The following POLR3C variants were observed in gnomAD, a reference collection of about 807,000 sequenced individuals.
POLR3C encodes the protein RNA polymerase III subunit C.
A neutral mutation model predicts 65.9 loss-of-function variants in POLR3C; 44 were observed. The observed-to-expected ratio is 0.67, with a 90% CI of 0.52 to 0.86. The LOEUF is 0.86. Ranked by LOEUF, POLR3C falls within the 40% of genes least tolerant of loss-of-function variation. The pLI, the probability that POLR3C is intolerant of heterozygous loss-of-function variation, is 0.00. For synonymous variants in POLR3C, 263 were observed against 231.6 expected (o/e 1.14, Z -1.23); for missense variants, 576 against 653.2 (o/e 0.88, Z 1.29).
At chr1:145,831,462 C>T (rs996282960) in intron 5 of POLR3C, among the ~76,000 whole-genome samples, 5 of 147,034 alleles carry the variant, frequency 3.4e-5, no homozygotes, top group Admixed American at 7.0e-5. Flanking sequence ...TTGCAGTGAG[C>T]GGAGATTGTG....
intron 5 of POLR3C, among the ~76,000 whole-genome samples, chr1:145,829,957 A>G (rs1223719777): frequency 3.3e-5 from 5 of 152,208 alleles, no homozygotes; most frequent in Non-Finnish European, 7.3e-5. Context: ...TTATTTGTGT[A>G]CATGTTTGTC....
chr1:145,826,893 C>T lies in POLR3C; in HGVS notation c.477C>T (p.Arg159=). The change falls in exon 4 of 15, where the codon CGC becomes CGT. Residue 159 remains arginine (R), a synonymous_variant. Transcript: ENST00000334163. ...VRLADTHFVQ[R]CPSVPTTENS... ...TGGCAGACACACACTTTGTACAACG[C>T]TGCCCTTCGGTACCTACCACTGAGA... is the stretch of plus-strand genomic sequence containing the variant. 1 of 1,613,532 alleles carries T rather than the reference C, an allele frequency of 6.2e-7. No individual in the cohort carries two copies.
chr1:145,828,596 C>T (rs1025657736), intron 4 of POLR3C, among the ~76,000 whole-genome samples, 153 bp from the exon 5 acceptor site: 2 of 152,150 alleles, frequency 1.3e-5, no homozygotes, highest in Non-Finnish European at 2.9e-5. Context: ...TCATCAGTTA[C>T]TTGAGTTTCT....
intron 7 of POLR3C, among the ~76,000 whole-genome samples, chr1:145,834,069 C>A (rs1651579294): frequency 1.3e-5 from 2 of 152,068 alleles, no homozygotes; most frequent in South Asian, 4.1e-4. Flanking sequence ...ATGGTGTAGC[C>A]CTACAGCACA....
At chr1:145,834,658 A>G (rs1553728086) in intron 7 of POLR3C, among the ~76,000 whole-genome samples, 2 of 152,018 alleles carry the variant, frequency 1.3e-5, no homozygotes. Context: ...CTCACCACAC[A>G]TGTGAGTAAT....
In POLR3C at chr1:145,826,571, C is replaced by G. The variant is rs1461762279; in HGVS notation, c.265C>G (p.Pro89Ala). The change falls in exon 3 of 15, where the codon CCC becomes GCC. Residue 89 changes from proline to alanine, a missense_variant. Pro to Ala is a conservative substitution (Grantham distance 27, BLOSUM62 -1). Transcript: ENST00000334163. ...CSRVLRMLRY[P>A]RYIYTTKTLY... ...CCGGGTATTGCGAATGCTTAGATAT[C>G]CCCGGTACATCTATACTACCAAAAC... The G allele has an allele frequency of 1.2e-6, 2 of 1,613,974 alleles. No homozygotes were observed. Among genetic ancestry groups the G allele is most frequent in the East Asian group, 4.5e-5 (2 of 44,888 alleles).
rs1340595260 is a variant in POLR3C at position 145,836,649 on chromosome 1, G to A, written c.957+75G>A. 5 of 999,374 alleles carry A rather than the reference G, an allele frequency of 5.0e-6. No individual in the cohort carries two copies. In the African/African-American group the frequency reaches 7.9e-5, roughly 16 times the overall value. 61.9% of individuals were successfully genotyped at this position (999,374 alleles called of 1,614,324 possible). On this transcript the variant is annotated intron_variant, in intron 8 of 14. Transcript: ENST00000334163. ...TAATTTATTTCTGCACTGATACCTA[G>A]TGTCATCCTCCTGCAGAGTTATTCT...
rs782800952 is a variant in POLR3C, at chr1:145,826,910, C to A, written c.494C>A (p.Thr165Asn). Reference protein sequence around the residue: ...HFVQRCPSVPTTENSDPGPPP... With the variant: ...HFVQRCPSVPNTENSDPGPPP... ...GTACAACGCTGCCCTTCGGTACCTA[C>A]CACTGAGAATTCAGACCCTGGGCCA... Residue 165 changes from threonine (T) to asparagine (N), a missense_variant, in exon 4 of 15, where the codon ACC (threonine) becomes AAC (asparagine). Physicochemically the swap from Thr to Asn is moderately conservative, Grantham distance 65. Coordinates refer to ENST00000334163, the MANE Select transcript of POLR3C (RefSeq NM_006468.8). The A allele has an allele frequency of 1.9e-6, 3 of 1,613,282 alleles. No homozygotes were observed. Among genetic ancestry groups the A allele is most frequent in the Non-Finnish European group, 2.5e-6 (3 of 1,179,664 alleles).
rs1012832140 is a variant in POLR3C at position 145,843,267 on chromosome 1, C to T, written c.*847C>T. On this transcript the variant is annotated 3_prime_UTR_variant, in exon 15 of 15. Coordinates refer to ENST00000334163, the MANE Select transcript of POLR3C (RefSeq NM_006468.8). ...ATATGGTAAGCACACAGTAAATTAGCGCCTTCCTCTTCTCCATGGTTCCTT... is the reference window on the plus strand; with the variant it reads ...ATATGGTAAGCACACAGTAAATTAGTGCCTTCCTCTTCTCCATGGTTCCTT... 3.9e-5 allele frequency among the ~76,000 whole-genome samples: 6 copies of T among 152,120 alleles called. No homozygotes were observed. Among genetic ancestry groups the T allele is most frequent in the Non-Finnish European group, 7.4e-5 (5 of 68,020 alleles).
At chr1:145,837,617 G>A in intron 10 of POLR3C, 21 bp downstream of exon 10, 1 of 1,548,878 alleles carries the variant, frequency 6.5e-7, no homozygotes. Flanking sequence ...CACTGGTTGG[G>A]TTTGGGATCA....
Position 145,842,432 on chromosome 1 carries a change from C to T in POLR3C, c.*12C>T, listed in dbSNP as rs782456056. 32 of 1,552,768 alleles carry T rather than the reference C, an allele frequency of 2.1e-5. No homozygotes were observed. Among genetic ancestry groups the T allele is most frequent in the Non-Finnish European group, 2.8e-5 (31 of 1,125,282 alleles). ...TGAAGAGACAGTGATCCAGAAGAAG[C>T]ATCTTCCTCAGAAGATCTGGGGGGA... is the stretch of plus-strand genomic sequence containing the variant. On this transcript the variant is annotated 3_prime_UTR_variant, in exon 15 of 15. Transcript: ENST00000334163.
chr1:145,840,163 T>C lies in POLR3C; in HGVS notation c.1371T>C (p.Asn457=). The part of the protein sequence containing the change: ...IERRQFETKE[N]KRLLEKSQRV... ...GGAGGCAATTTGAAACCAAAGAGAA[T>C]AAGTAAGTAACATTTTCAGTTGAGT... The change falls in exon 13 of 15, where the codon AAT becomes AAC. Residue 457 remains asparagine, a splice_region_variant and synonymous_variant. Coordinates refer to ENST00000334163, the MANE Select transcript of POLR3C (RefSeq NM_006468.8). The C allele has an allele frequency of 6.4e-7, 1 of 1,573,674 alleles. No homozygotes were observed. The highest frequency in any genetic ancestry group is 8.7e-7 in the Non-Finnish European group (1 of 1,143,116).
At position 145,826,887 on chromosome 1, in the gene POLR3C, A is replaced by C; in HGVS notation, c.471A>C (p.Val157=). 3.7e-6 allele frequency: 6 copies of C among 1,613,582 alleles called. No homozygotes were observed. The highest frequency in any genetic ancestry group is 4.2e-6 in the Non-Finnish European group (5 of 1,179,800). ...TFVRLADTHF[V]QRCPSVPTTE... is the part of the protein sequence containing the mutation. ...TGCGACTGGCAGACACACACTTTGT[A>C]CAACGCTGCCCTTCGGTACCTACCA... Residue 157 remains valine (V), a synonymous_variant, in exon 4 of 15, where the codon GTA becomes GTC. Transcript: ENST00000334163.
rs879967231 is a variant in POLR3C at position 145,826,555 on chromosome 1, G to A, written c.249G>A (p.Leu83=). 1.1e-5 allele frequency: 17 copies of A among 1,614,042 alleles called. No homozygotes were observed. Among genetic ancestry groups the A allele is most frequent in the Non-Finnish European group, 1.4e-5 (17 of 1,180,002 alleles). The change falls in exon 3 of 15, where the codon TTG becomes TTA. Residue 83 remains leucine (L), a synonymous_variant. Coordinates refer to ENST00000334163, the MANE Select transcript of POLR3C (RefSeq NM_006468.8). ...VEYEAQCSRV[L]RMLRYPRYIY... ...ATGAAGCCCAGTGCAGCCGGGTATT[G>A]CGAATGCTTAGATATCCCCGGTACA...
Position 145,828,810 on chromosome 1 carries a change from A to T in POLR3C, c.651A>T (p.Arg217Ser). ...CTGCTGGGGAGCCCAAGGCCAAGAG[A>T]CCAAAATATACTACAGATAACAAGG... ...EDAAGEPKAK[R>S]PKYTTDNKEP... Residue 217 changes from arginine to serine, a missense_variant, in exon 5 of 15, where the codon AGA (arginine) becomes AGT (serine). Physicochemically the swap from Arg to Ser is moderately radical, Grantham distance 110 (BLOSUM62 -1). Transcript: ENST00000334163. 2 of 1,593,876 alleles carry T rather than the reference A, an allele frequency of 1.3e-6. No homozygotes were observed. The highest frequency in any genetic ancestry group is 1.7e-6 in the Non-Finnish European group (2 of 1,161,596).
Position 145,833,478 on chromosome 1 carries a change from C to A in POLR3C, c.784-12C>A. 6.2e-7 allele frequency: 1 copy of A among 1,609,022 alleles called. No homozygotes were observed. Among genetic ancestry groups the A allele is most frequent in the Non-Finnish European group, 8.5e-7 (1 of 1,175,334 alleles). On this transcript the variant is annotated splice_polypyrimidine_tract_variant and intron_variant, in intron 6 of 14. Transcript: ENST00000334163. ...ACTGTGATTTCTGAATTCTAGTTTA[C>A]TTTTCAAACAGACAAGCAGCGAGAT...
At chr1:145,835,794 G>C (rs587684533) in intron 7 of POLR3C, among the ~76,000 whole-genome samples, 1 of 151,944 alleles carries the variant, frequency 6.6e-6, no homozygotes, top group Admixed American at 6.6e-5. Flanking sequence ...GGCTGGTCTC[G>C]AACTCCTGAC....
intron 1 of POLR3C, 56 bp downstream of exon 1, chr1:145,824,425 T>C: frequency 1.6e-6 from 1 of 615,294 alleles, no homozygotes; most frequent in Non-Finnish European, 2.7e-6. Flanking sequence ...AGAGACCACG[T>C]CCGAAACGGG....
intron 13 of POLR3C, 58 bp downstream of exon 13, chr1:145,840,223 A>C: frequency 9.0e-7 from 1 of 1,105,830 alleles, no homozygotes; most frequent in Non-Finnish European, 1.4e-6. Context: ...GCCTCAGGGG[A>C]AATTTCCTCT....
Sources: gnomAD v4.1 joint callset for allele counts (sites outside exome capture counted in the v4.1 genomes callset) on GRCh38, gnomAD v4.1.1 for gene constraint, MANE v1.5 for transcripts, NCBI Gene and HGNC (gene_info 2026-07-23, HGNC 2026-07-21) for gene names.